Variants in CENPC observed in about 807,000 individuals in gnomAD.
The protein encoded by CENPC is centromere protein C, also known as CENP-C 1.
In CENPC, 63 loss-of-function variants were observed where a neutral mutation model predicts 112.1. The ratio of observed to expected loss-of-function variants is 0.56; its 90% CI spans 0.46 to 0.69. The LOEUF is 0.69. CENPC is among the 30% of genes least tolerant of loss of function. The pLI, the probability that CENPC is intolerant of heterozygous loss-of-function variation, is 0.00. For synonymous variants in CENPC, 333 were observed against 367.6 expected (o/e 0.91, Z 1.08); for missense variants, 1,000 against 1,103.8 (o/e 0.91, Z 1.33).
chr4:67,471,868 A>G lies in CENPC; in HGVS notation c.*737T>C, dbSNP rs1465578341. 6.6e-6 allele frequency: 1 copy of G among 152,418 alleles called. No individual in the cohort carries two copies. Among genetic ancestry groups the G allele is most frequent in the Non-Finnish European group, 1.5e-5 (1 of 68,040 alleles). 9.4% of individuals were successfully genotyped at this position (152,418 alleles called of 1,614,324 possible). On this transcript the variant is annotated 3_prime_UTR_variant, in exon 19 of 19. Transcript: ENST00000273853. ...GCAATGGCGAAGGACACTGCCTCCA[A>G]CAGAAAATATGAACCAAAAAGCATA...
At chr4:67,526,096 C>T (rs1726368027) in intron 5 of CENPC, among the ~76,000 whole-genome samples, 1 of 152,024 alleles carries the variant, frequency 6.6e-6, no homozygotes, top group Admixed American at 6.6e-5. Context: ...TGTTCTCACT[C>T]ATAAGTGGGA....
chr4:67,534,285 AG>A lies in CENPC; in HGVS notation c.232-3372del, dbSNP rs369835256. On this transcript the variant is annotated intron_variant, in intron 4 of 18. Transcript: ENST00000273853. ...ACAAAAATTAACCAGGAATGGTGGC[AG>A]GCACCTGTAGTCCCAGCTGCTCGAG... Among the ~76,000 whole-genome samples, 1,350 of 152,086 alleles carry A rather than the reference AG, an allele frequency of 8.9e-3. 12 individuals carry two copies. Among genetic ancestry groups the A allele is most frequent in the Non-Finnish European group, 0.013 (900 of 67,982 alleles).
At chr4:67,538,515 C>A (rs769155613) in intron 4 of CENPC, among the ~76,000 whole-genome samples, 8 of 152,176 alleles carry the variant, frequency 5.3e-5, no homozygotes, top group Non-Finnish European at 7.3e-5. Flanking sequence ...CCTCTGATCA[C>A]CCATTTCCAG....
chr4:67,505,850 G>T (rs1293856417), intron 11 of CENPC, among the ~76,000 whole-genome samples: 2 of 152,076 alleles, frequency 1.3e-5, no homozygotes, highest in Non-Finnish European at 1.5e-5. Context: ...TTACAGATCA[G>T]AGTAACAGAC....
chr4:67,493,852 T>G (rs745434711), intron 14 of CENPC, 32 bp downstream of exon 14: 1 of 1,455,042 alleles, frequency 6.9e-7, no homozygotes. Context: ...AAATTTTTTA[T>G]TGACAGATAT....
At chr4:67,515,176 G>A (rs1229115230) in intron 7 of CENPC, among the ~76,000 whole-genome samples, 1 of 151,906 alleles carries the variant, frequency 6.6e-6, no homozygotes, top group Admixed American at 6.6e-5. Context: ...ATTATAAAAA[G>A]TTGAGGAGGC....
intron 4 of CENPC, among the ~76,000 whole-genome samples, chr4:67,536,078 G>C (rs1390234629): frequency 6.6e-6 from 1 of 152,116 alleles, no homozygotes; most frequent in African/African-American, 2.4e-5. Context: ...TAGTGAACCA[G>C]AATAGACTGC....
intron 17 of CENPC, among the ~76,000 whole-genome samples, chr4:67,481,940 T>C (rs1180167554): frequency 1.3e-5 from 2 of 151,858 alleles, no homozygotes; most frequent in African/African-American, 4.8e-5. Context: ...GCCAAAGAAA[T>C]AATTGGCAGA....
intron 12 of CENPC, among the ~76,000 whole-genome samples, chr4:67,499,796 TC>T (rs1216659303): frequency 1.3e-5 from 2 of 152,250 alleles, no homozygotes; most frequent in Admixed American, 6.5e-5. Context: ...TGACATGCCT[TC>T]CTCACTAAGC....
intron 4 of CENPC, among the ~76,000 whole-genome samples, chr4:67,534,809 C>T (rs1726667692): frequency 6.6e-6 from 1 of 152,074 alleles, no homozygotes. Flanking sequence ...TTTTAGTTTC[C>T]CACTTTCAAA....
Position 67,514,229 on chromosome 4 carries a change from G to C in CENPC, c.1289C>G (p.Ala430Gly), listed in dbSNP as rs1242420264. The C allele has an allele frequency of 6.2e-7, 1 of 1,613,102 alleles. No individual in the cohort carries two copies. The highest frequency in any genetic ancestry group is 1.1e-5 in the South Asian group (1 of 90,966). The part of the protein sequence containing the change: ...KQRRKFMAKP[A>G]EEQLDVGQSK... ...CTGTCCCACATCAAGCTGTTCTTCA[G>C]CTGGTTTAGCCATGAATTTTCTTCT... The change falls in exon 8 of 19, where the codon GCT becomes GGT. Residue 430 changes from alanine to glycine, a missense_variant. Ala to Gly is a moderately conservative substitution (Grantham distance 60). Transcript: ENST00000273853.
At chr4:67,490,897 T>G (rs9715307) in intron 16 of CENPC, among the ~76,000 whole-genome samples, 2,276 of 144,160 alleles carry the variant, frequency 0.016, 48 homozygotes, top group African/African-American at 0.038. Context: ...TAGAAATATA[T>G]ATATAGAAAT....
At chr4:67,540,129 A>G (rs142104121) in intron 3 of CENPC, among the ~76,000 whole-genome samples, 195 bp from the exon 4 acceptor site, 1 of 152,290 alleles carries the variant, frequency 6.6e-6, no homozygotes, top group Admixed American at 6.5e-5. Context: ...AAAGCAAACA[A>G]AACACCTGAA....
At chr4:67,539,780 T>C in intron 4 of CENPC, 60 bp downstream of exon 4, 1 of 839,396 alleles carries the variant, frequency 1.2e-6, no homozygotes, top group Non-Finnish European at 1.8e-6. Flanking sequence ...CATGAGTATA[T>C]TGTGTATACC....
At chr4:67,516,076 A>T (rs1334751967) in intron 7 of CENPC, among the ~76,000 whole-genome samples, 1 of 152,038 alleles carries the variant, frequency 6.6e-6, no homozygotes. Flanking sequence ...TAACATCAAC[A>T]TTAATTCTTA....
At chr4:67,545,039 C>G (rs1578012439) in intron 1 of CENPC, among the ~76,000 whole-genome samples, 2 of 151,858 alleles carry the variant, frequency 1.3e-5, no homozygotes, top group African/African-American at 4.8e-5. Context: ...AGAGCAAGAC[C>G]CCGTCTCAAA....
chr4:67,545,492 G>T lies in CENPC; in HGVS notation c.-137C>A. 2 of 817,752 alleles carry T rather than the reference G, an allele frequency of 2.4e-6. No individual in the cohort carries two copies. Among genetic ancestry groups the T allele is most frequent in the South Asian group, 2.8e-5 (1 of 35,144 alleles). The allele number at this position is 817,752 out of a possible 1,614,324, so 50.7% of individuals were successfully genotyped here. On this transcript the variant is annotated 5_prime_UTR_variant, in exon 1 of 19. Transcript: ENST00000273853. ...CAATAACCTTAAGTCTCAGGCGACT[G>T]CCGCGAGAGCTGCGATCCGGAAGGC...
At chr4:67,491,185 A>G (rs1360094104) in intron 16 of CENPC, among the ~76,000 whole-genome samples, 2 of 149,276 alleles carry the variant, frequency 1.3e-5, no homozygotes, top group Non-Finnish European at 3.0e-5. Context: ...TATTATTATT[A>G]TTATTGAGAC....
intron 17 of CENPC, 148 bp from the exon 18 acceptor site, chr4:67,475,126 C>G: frequency 1.7e-6 from 1 of 595,660 alleles, no homozygotes; most frequent in Non-Finnish European, 3.0e-6. Flanking sequence ...AATTTCATGG[C>G]AAAAGGGACC....
Sources: gnomAD v4.1 joint callset for allele counts (sites outside exome capture counted in the v4.1 genomes callset) on GRCh38, gnomAD v4.1.1 for gene constraint, MANE v1.5 for transcripts, NCBI Gene and HGNC (gene_info 2026-07-23, HGNC 2026-07-21) for gene names.